The following ARK2C variants were observed in gnomAD, a reference collection of about 807,000 sequenced individuals.
ARK2C encodes the protein E3 ubiquitin-protein ligase ARK2C.
At chr18:46,450,249 A>G in the ARK2C span, 5 of 1,265,396 alleles carry the variant, frequency 4.0e-6, no homozygotes. Flanking sequence ...GGGCTCATGG[A>G]GAAACCTTGA....
At chr18:46,449,349 G>A in the ARK2C span, among the ~76,000 whole-genome samples, 6 of 151,878 alleles carry the variant, frequency 4.0e-5, no homozygotes, top group East Asian at 1.2e-3. Context: ...GGTTTTTTTT[G>A]CATTTATTTG....
the ARK2C span, chr18:46,461,905 G>A: frequency 6.6e-6 from 1 of 152,264 alleles, no homozygotes; most frequent in East Asian, 1.9e-4. Flanking sequence ...TCCATGTCTT[G>A]TTAGAGATAG....
the ARK2C span, among the ~76,000 whole-genome samples, chr18:46,346,538 T>G: frequency 6.6e-6 from 1 of 152,082 alleles, no homozygotes; most frequent in Non-Finnish European, 1.5e-5. Flanking sequence ...AATACACAGA[T>G]TTTGCCATCA....
At chr18:46,424,068 A>T in the ARK2C span, among the ~76,000 whole-genome samples, 10 of 152,212 alleles carry the variant, frequency 6.6e-5, no homozygotes, top group African/African-American at 2.2e-4. Flanking sequence ...TCGCAACTTT[A>T]TTGGAGATAA....
At chr18:46,405,919 C>T in the ARK2C span, among the ~76,000 whole-genome samples, 2 of 152,060 alleles carry the variant, frequency 1.3e-5, no homozygotes, top group South Asian at 2.1e-4. Context: ...TTCCTCCTCC[C>T]GGAGTGGGAT....
At chr18:46,420,621 G>A in the ARK2C span, among the ~76,000 whole-genome samples, 7 of 152,066 alleles carry the variant, frequency 4.6e-5, no homozygotes. Flanking sequence ...GAGGAGGGTG[G>A]ATCACCTGAG....
At chr18:46,347,824 C>G in the ARK2C span, among the ~76,000 whole-genome samples, 1 of 152,138 alleles carries the variant, frequency 6.6e-6, no homozygotes, top group Non-Finnish European at 1.5e-5. Context: ...ATAATTACAG[C>G]AAGTCCCCCG....
the ARK2C span, chr18:46,458,633 T>C: frequency 6.6e-6 from 1 of 152,470 alleles, no homozygotes; most frequent in Admixed American, 6.5e-5. Context: ...CTAGCACGAC[T>C]GGTTCATGCG....
chr18:46,448,348 C>A, the ARK2C span, among the ~76,000 whole-genome samples: 1 of 152,150 alleles, frequency 6.6e-6, no homozygotes, highest in Admixed American at 6.5e-5. Flanking sequence ...AGCTCCTATT[C>A]ACACTCTGGC....
chr18:46,365,449 C>A, the ARK2C span, among the ~76,000 whole-genome samples: 2 of 152,190 alleles, frequency 1.3e-5, no homozygotes, highest in Non-Finnish European at 2.9e-5. Context: ...ATATGCAGGG[C>A]ACCAAGTCTG....
At chr18:46,385,562 T>A in the ARK2C span, 1 of 152,154 alleles carries the variant, frequency 6.6e-6, no homozygotes, top group Non-Finnish European at 1.5e-5. Context: ...TGTCTGCTGA[T>A]AGGTAGAAGC....
the ARK2C span, among the ~76,000 whole-genome samples, chr18:46,364,340 G>A: frequency 6.6e-6 from 1 of 151,670 alleles, no homozygotes; most frequent in East Asian, 1.9e-4. Flanking sequence ...AAGTTTGCTT[G>A]GGTCAAAAAT....
At chr18:46,447,685 C>T in the ARK2C span, 1 of 1,614,042 alleles carries the variant, frequency 6.2e-7, no homozygotes, top group Admixed American at 1.7e-5. Context: ...TCCTCCTCCA[C>T]ACAGATGGTA....
the ARK2C span, among the ~76,000 whole-genome samples, chr18:46,344,715 C>G: frequency 6.6e-6 from 1 of 152,222 alleles, no homozygotes; most frequent in Admixed American, 6.5e-5. Flanking sequence ...GACTTCTGAC[C>G]AGACCTGAAA....
the ARK2C span, among the ~76,000 whole-genome samples, chr18:46,398,893 C>T: frequency 6.6e-6 from 1 of 151,816 alleles, no homozygotes; most frequent in Admixed American, 6.5e-5. Context: ...ATCTAGTCAT[C>T]GTCTAGGATG....
At chr18:46,375,442 T>C in the ARK2C span, among the ~76,000 whole-genome samples, 1 of 151,860 alleles carries the variant, frequency 6.6e-6, no homozygotes, top group Non-Finnish European at 1.5e-5. Context: ...TAATCCTAGC[T>C]ACTCAGGAGG....
At chr18:46,433,300 G>C in the ARK2C span, 10 of 1,611,446 alleles carry the variant, frequency 6.2e-6, no homozygotes, top group South Asian at 9.9e-5. Context: ...GGCCCACCCC[G>C]TGCAGTCGCA....
chr18:46,445,972 G>T, the ARK2C span, among the ~76,000 whole-genome samples: 1 of 151,362 alleles, frequency 6.6e-6, no homozygotes, highest in African/African-American at 2.4e-5. Flanking sequence ...CCCTTACCTG[G>T]ATTTTACTGG....
chr18:46,459,619 C>T, the ARK2C span: 8,059 of 152,528 alleles, frequency 0.053, 293 homozygotes, highest in Non-Finnish European at 0.075. Context: ...CTCCTTCCCC[C>T]ACAGATGGGG....
Sources: gnomAD v4.1 joint callset for allele counts (sites outside exome capture counted in the v4.1 genomes callset) on GRCh38, gnomAD v4.1.1 for gene constraint, MANE v1.5 for transcripts, NCBI Gene and HGNC (gene_info 2026-07-23, HGNC 2026-07-21) for gene names.